VPS54: variants seen among roughly 807,000 people sequenced by gnomAD.
VPS54 encodes VPS54 subunit of GARP complex, also known as vacuolar protein sorting-associated protein 54.
VPS54 carries 45 observed loss-of-function variants against 121.5 expected under a neutral mutation model. The observed-to-expected ratio is 0.37, with a 90% CI of 0.29 to 0.47. The LOEUF (loss-of-function observed/expected upper bound fraction) is 0.47. Among genes scored for constraint, VPS54 ranks in the 20% least tolerant of loss-of-function variants. The probability of loss-of-function intolerance (pLI) is 0.99; values close to 1 mark genes in which losing one functional copy is unlikely to be tolerated. For missense variants in VPS54, 1,090 were observed against 1,131.4 expected (o/e 0.96, Z 0.52); for synonymous variants, 371 against 385.8 (o/e 0.96, Z 0.45).
rs1672281294 is a variant in VPS54 at position 63,892,897 on chromosome 2, T to A, written c.*533A>T. On this transcript the variant is annotated 3_prime_UTR_variant, in exon 23 of 23. Coordinates refer to ENST00000272322, the MANE Select transcript of VPS54 (RefSeq NM_016516.3). ...GTCACTGAAACAAAAATTGAATTCC[T>A]AAATCCAAGCAATCAAAAGATGTTT... 2 of 153,550 alleles carry A rather than the reference T, an allele frequency of 1.3e-5. No individual in the cohort carries two copies. Among genetic ancestry groups the A allele is most frequent in the East Asian group, 3.8e-4 (2 of 5,242 alleles). 9.5% of individuals were successfully genotyped at this position (153,550 alleles called of 1,614,324 possible). A position where few individuals can be genotyped will look rare whatever the true frequency, so the allele number is the denominator to read the frequency against.
chr2:63,911,688 G>A (rs1385790652), intron 20 of VPS54, among the ~76,000 whole-genome samples: 1 of 152,130 alleles, frequency 6.6e-6, no homozygotes, highest in Non-Finnish European at 1.5e-5. Context: ...GATGCAAGTA[G>A]GATAAAAAGC....
chr2:64,002,554 T>C (rs56677212), intron 1 of VPS54, among the ~76,000 whole-genome samples: 12,926 of 152,274 alleles, frequency 0.085, 928 homozygotes, highest in African/African-American at 0.2. Flanking sequence ...CAATACTATG[T>C]TGATATCTTG....
At chr2:63,940,288 C>A (rs1358549855) in intron 11 of VPS54, among the ~76,000 whole-genome samples, 1 of 152,066 alleles carries the variant, frequency 6.6e-6, no homozygotes, top group East Asian at 1.9e-4. Flanking sequence ...TAATACTTGA[C>A]AGAATCACAA....
intron 3 of VPS54, among the ~76,000 whole-genome samples, chr2:63,978,875 C>G (rs1676668878): frequency 6.6e-6 from 1 of 152,198 alleles, no homozygotes; most frequent in South Asian, 2.1e-4. Flanking sequence ...CCACCATGGC[C>G]TCCCAAAGTG....
At position 63,938,059 on chromosome 2, in the gene VPS54, G is replaced by GTGTGTGTGT. The variant is rs9309357; in HGVS notation, c.1399-4047_1399-4046insACACACACA. On this transcript the variant is annotated intron_variant, in intron 11 of 22. Transcript: ENST00000272322. ...AAACGTGTGTGTGTGTGGTGTGTGT[G>GTGTGTGTGT]GTGTGTGTGTGTGTGTGTGTGTGTG... is the stretch of plus-strand genomic sequence containing the variant. Among the ~76,000 whole-genome samples the GTGTGTGTGT allele has an allele frequency of 1.6e-3, 227 of 140,476 alleles. 2 individuals are homozygous for GTGTGTGTGT. The highest frequency in any genetic ancestry group is 0.01 in the Middle Eastern group (3 of 294). 92.2% of individuals were successfully genotyped at this position (140,476 alleles called of 152,430 possible).
At chr2:63,933,377 C>G (rs986459152) in intron 12 of VPS54, among the ~76,000 whole-genome samples, 1 of 152,072 alleles carries the variant, frequency 6.6e-6, no homozygotes, top group East Asian at 1.9e-4. Flanking sequence ...TCACTGTAAG[C>G]AAGTCATCTA....
chr2:63,913,925 C>G, intron 17 of VPS54: 1 of 1,266,102 alleles, frequency 7.9e-7, no homozygotes, highest in Non-Finnish European at 9.9e-7. Context: ...ATGTTCAGCA[C>G]CTAACGAACA....
At chr2:63,948,723 C>G (rs1321768199) in intron 8 of VPS54, among the ~76,000 whole-genome samples, 1 of 152,110 alleles carries the variant, frequency 6.6e-6, no homozygotes, top group African/African-American at 2.4e-5. Context: ...TTATAAAAGA[C>G]AAGCTCCAGC....
In VPS54 at chr2:63,974,878, C is replaced by T. The variant is rs1428644599; in HGVS notation, c.379-2634G>A. The T allele has an allele frequency of 9.8e-6, 12 of 1,223,228 alleles. No homozygotes were observed. In the South Asian group the frequency reaches 2.2e-4, roughly 23 times the overall value. 75.8% of individuals were successfully genotyped at this position (1,223,228 alleles called of 1,614,324 possible). ...CATAGACGATCATTTCATCTGGAAA[C>T]AGTTTTACTTCTTCCTAATTTTTAT... On this transcript the variant is annotated intron_variant, in intron 3 of 22. Coordinates refer to ENST00000272322, the MANE Select transcript of VPS54 (RefSeq NM_016516.3).
intron 6 of VPS54, among the ~76,000 whole-genome samples, chr2:63,964,664 T>C (rs1157423884): frequency 6.6e-6 from 1 of 152,224 alleles, no homozygotes; most frequent in Non-Finnish European, 1.5e-5. Flanking sequence ...TCGTTTTCAA[T>C]TGTGAGAAAA....
chr2:63,981,790 G>A lies in VPS54; in HGVS notation c.234C>T (p.Asn78=), dbSNP rs6736162. 7,527 of 1,613,678 alleles carry A rather than the reference G, an allele frequency of 4.7e-3. 320 individuals are homozygous for A. The African/African-American group carries it at 0.09, about 19-fold the overall frequency. ...HSKVNLPAAL[N]DPRLAKRESD... is the part of the protein sequence containing the mutation. ...ATTCTCTTTTTGCTAATCTAGGATC[G>A]TTTAATGCTGCTGGGAGATTTACTT... The change falls in exon 3 of 23, where the codon AAC becomes AAT. Residue 78 remains asparagine, a synonymous_variant. Transcript: ENST00000272322.
intron 7 of VPS54, among the ~76,000 whole-genome samples, chr2:63,951,615 C>T (rs1478665790): frequency 6.6e-6 from 1 of 152,082 alleles, no homozygotes; most frequent in African/African-American, 2.4e-5. Flanking sequence ...GGGCCATATA[C>T]AGTCTGTGTG....
intron 15 of VPS54, 146 bp downstream of exon 15, chr2:63,919,737 T>C (rs1363159672): frequency 2.3e-5 from 12 of 522,624 alleles, no homozygotes; most frequent in South Asian, 2.1e-4. Context: ...TAAATTACCA[T>C]AGTTTTCCTG....
At chr2:63,983,428 C>G (rs965322082) in intron 2 of VPS54, among the ~76,000 whole-genome samples, 1 of 143,044 alleles carries the variant, frequency 7.0e-6, no homozygotes, top group African/African-American at 2.6e-5. Flanking sequence ...TGAGCCACCA[C>G]GCCGGGCCCC....
intron 11 of VPS54, among the ~76,000 whole-genome samples, chr2:63,939,738 C>T (rs1674632341): frequency 6.6e-6 from 1 of 150,692 alleles, no homozygotes; most frequent in Non-Finnish European, 1.5e-5. Context: ...TAGCTGAGAT[C>T]ACACTATATA....
chr2:63,911,225 A>C (rs3770387), intron 20 of VPS54, among the ~76,000 whole-genome samples: 118,395 of 152,108 alleles, frequency 0.78, 47,414 homozygotes, highest in African/African-American at 0.89. Flanking sequence ...ACTTGGCACC[A>C]GTGAAGAAAA....
rs36057474 is a variant in VPS54 at position 63,943,707 on chromosome 2, T to TTTTCTTTC, written c.1301+885_1301+892dup. 5.5e-3 allele frequency among the ~76,000 whole-genome samples: 721 copies of TTTTCTTTC among 130,774 alleles called. 14 individuals are homozygous for TTTTCTTTC. Among genetic ancestry groups the TTTTCTTTC allele is most frequent in the African/African-American group, 0.017 (561 of 33,276 alleles). 85.8% of individuals were successfully genotyped at this position (130,774 alleles called of 152,430 possible). On this transcript the variant is annotated intron_variant, in intron 10 of 22. Coordinates refer to ENST00000272322, the MANE Select transcript of VPS54 (RefSeq NM_016516.3). ...TAAAATAATAGAATAGGAATTTTTC[T>TTTTCTTTC]TTTCTTTCTTTCTTTCTTTCTTTTT... is the stretch of plus-strand genomic sequence containing the variant.
At chr2:64,007,837 A>G (rs149651437) in intron 1 of VPS54, among the ~76,000 whole-genome samples, 1 of 152,346 alleles carries the variant, frequency 6.6e-6, no homozygotes, top group African/African-American at 2.4e-5. Context: ...AAGTGCGAAC[A>G]GTAAGTAGCA....
intron 1 of VPS54, among the ~76,000 whole-genome samples, chr2:63,998,584 G>A (rs1333437427): frequency 6.6e-6 from 1 of 151,842 alleles, no homozygotes; most frequent in Non-Finnish European, 1.5e-5. Flanking sequence ...TTTTTGATTT[G>A]AGGTTACCAT....
Sources: gnomAD v4.1 joint callset for allele counts (sites outside exome capture counted in the v4.1 genomes callset) on GRCh38, gnomAD v4.1.1 for gene constraint, MANE v1.5 for transcripts, NCBI Gene and HGNC (gene_info 2026-07-23, HGNC 2026-07-21) for gene names.